Variants in LAMA1 observed in about 807,000 individuals in gnomAD.
LAMA1 encodes laminin subunit alpha-1.
In LAMA1, 219 loss-of-function variants were observed where a neutral mutation model predicts 348.7. The ratio of observed to expected loss-of-function variants is 0.63; its 90% confidence interval spans 0.56 to 0.70. LAMA1 has a LOEUF of 0.70. Among genes scored for constraint, LAMA1 ranks in the 30% least tolerant of loss-of-function variants. The pLI is 0.00. For missense variants in LAMA1, 3,744 were observed against 3,888.0 expected, an observed-to-expected ratio of 0.96 and a Z score of 0.99; for synonymous variants, 1,487 against 1,491.0, an observed-to-expected ratio of 1.00 and a Z score of 0.06.
chr18:7,045,726 T>G (rs2058039338), intron 6 of LAMA1, among the ~76,000 whole-genome samples: 2 of 152,088 alleles, frequency 1.3e-5, no homozygotes, highest in Admixed American at 6.5e-5. Context: ...GCCCCACTAA[T>G]TTTTGTATTT....
chr18:7,011,224 A>G, intron 25 of LAMA1, 76 bp downstream of exon 25: 1 of 1,499,986 alleles, frequency 6.7e-7, no homozygotes. Flanking sequence ...AGGCCGGCCC[A>G]GACTATGGTG....
intron 1 of LAMA1, among the ~76,000 whole-genome samples, chr18:7,108,001 G>A (rs1253868615): frequency 6.7e-6 from 1 of 148,732 alleles, no homozygotes. Context: ...GCGACAGAGC[G>A]AGACTCCGTC....
At chr18:6,946,985 G>C (rs2057524380) in intron 61 of LAMA1, among the ~76,000 whole-genome samples, 178 bp downstream of exon 61, 1 of 152,138 alleles carries the variant, frequency 6.6e-6, no homozygotes, top group South Asian at 2.1e-4. Context: ...TTTTTGAAAA[G>C]CTTTTAAAAA....
intron 3 of LAMA1, among the ~76,000 whole-genome samples, chr18:7,052,871 A>T (rs969933175): frequency 1.3e-5 from 2 of 151,394 alleles, no homozygotes; most frequent in Non-Finnish European, 2.9e-5. Context: ...CTACAAAAAA[A>T]TTATCCAGGT....
At chr18:6,998,291 T>C (rs2057792055) in intron 32 of LAMA1, among the ~76,000 whole-genome samples, 1 of 152,092 alleles carries the variant, frequency 6.6e-6, no homozygotes, top group African/African-American at 2.4e-5. Flanking sequence ...AAAAGAACTT[T>C]ATTGACTGTA....
rs754429828 is a variant in LAMA1 at position 6,966,221 on chromosome 18, C to T, written c.6976G>A (p.Val2326Met). 1.4e-5 allele frequency: 22 copies of T among 1,613,798 alleles called. No individual in the cohort carries two copies. The highest frequency in any genetic ancestry group is 6.7e-5 in the East Asian group (3 of 44,874). ...TTAAAAAGCATGATTATCTGGGTCA[C>T]GGTAGCCGGAAGTGACTTCTCCACG... ...SVVEKSLPAT[V>M]TQIIMLFNTF... The change falls in exon 49 of 63, where the codon GTG becomes ATG. Residue 2326 changes from valine to methionine, a missense_variant. Coordinates refer to ENST00000389658, the MANE Select transcript of LAMA1 (RefSeq NM_005559.4).
At chr18:7,092,839 T>C (rs2058244938) in intron 1 of LAMA1, among the ~76,000 whole-genome samples, 1 of 152,248 alleles carries the variant, frequency 6.6e-6, no homozygotes, top group Middle Eastern at 3.4e-3. Context: ...TACAGACTCG[T>C]GGTTTCCCTC....
At chr18:7,025,834 C>T (rs2057940151) in intron 17 of LAMA1, 145 bp downstream of exon 17, 6 of 1,213,138 alleles carry the variant, frequency 4.9e-6, no homozygotes, top group Non-Finnish European at 7.1e-6. Context: ...TAACCCACCC[C>T]TCTGTCTTTA....
At chr18:7,052,706 A>C (rs1183191933) in intron 3 of LAMA1, among the ~76,000 whole-genome samples, 2 of 151,806 alleles carry the variant, frequency 1.3e-5, no homozygotes, top group Admixed American at 1.3e-4. Flanking sequence ...CAGCCTGGGC[A>C]ACAAGAGAGA....
At chr18:7,117,630 C>T in intron 1 of LAMA1, 30 bp downstream of exon 1, 3 of 1,593,002 alleles carry the variant, frequency 1.9e-6, no homozygotes, top group Non-Finnish European at 2.5e-6. Context: ...CTGCGGGGGA[C>T]AGGGACCCTA....
intron 1 of LAMA1, among the ~76,000 whole-genome samples, chr18:7,082,210 A>G (rs531272739): frequency 1.3e-5 from 2 of 152,196 alleles, no homozygotes; most frequent in African/African-American, 2.4e-5. Flanking sequence ...CCCTCTCAAG[A>G]TAAAATAGTT....
chr18:7,046,073 T>C (rs1180814646), intron 6 of LAMA1, among the ~76,000 whole-genome samples: 1 of 152,120 alleles, frequency 6.6e-6, no homozygotes, highest in Non-Finnish European at 1.5e-5. Flanking sequence ...AAAAAAATCA[T>C]TGTAAGAACT....
At chr18:7,036,732 C>T (rs2057996608) in intron 12 of LAMA1, among the ~76,000 whole-genome samples, 1 of 151,792 alleles carries the variant, frequency 6.6e-6, no homozygotes, top group Non-Finnish European at 1.5e-5. Context: ...AAATAATTTT[C>T]AAAAATAAAT....
intron 57 of LAMA1, among the ~76,000 whole-genome samples, chr18:6,951,295 G>A (rs371951116): frequency 8.6e-4 from 131 of 152,166 alleles, no homozygotes; most frequent in Non-Finnish European, 1.4e-3. Flanking sequence ...AGCATTCAAC[G>A]CGGGTAACTC....
intron 48 of LAMA1, among the ~76,000 whole-genome samples, chr18:6,966,932 T>C (rs930274379): frequency 6.6e-5 from 10 of 152,194 alleles, no homozygotes; most frequent in Non-Finnish European, 1.5e-4. Flanking sequence ...AAGGCTGACT[T>C]GACTCACTAT....
intron 39 of LAMA1, 21 bp from the exon 40 acceptor site, chr18:6,983,255 G>C: frequency 6.2e-7 from 1 of 1,613,966 alleles, no homozygotes; most frequent in Non-Finnish European, 8.5e-7. Context: ...AGCATATTTA[G>C]ATACGTTATG....
chr18:6,943,721 T>C (rs2057510134), intron 61 of LAMA1, among the ~76,000 whole-genome samples: 1 of 150,986 alleles, frequency 6.6e-6, no homozygotes, highest in African/African-American at 2.4e-5. Flanking sequence ...CGCATGCCTG[T>C]AATCCCAGCA....
chr18:7,104,859 A>T (rs1195084978), intron 1 of LAMA1, among the ~76,000 whole-genome samples: 2 of 152,166 alleles, frequency 1.3e-5, no homozygotes. Flanking sequence ...AACCTGCTCT[A>T]CCCTGCAGAC....
chr18:6,948,392 C>G lies in LAMA1; in HGVS notation c.8710+11G>C. The stretch of plus-strand genomic sequence containing the variant: ...TCGGGGACTGCCTTCGAGAGTGTTG[C>G]TAACACATACCAAGAGCTGCATATC... On this transcript the variant is annotated intron_variant, in intron 60 of 62. Transcript: ENST00000389658. 6.2e-7 allele frequency: 1 copy of G among 1,614,178 alleles called. No homozygotes were observed. Among genetic ancestry groups the G allele is most frequent in the Non-Finnish European group, 8.5e-7 (1 of 1,180,036 alleles).
Sources: gnomAD v4.1 joint callset for allele counts (sites outside exome capture counted in the v4.1 genomes callset) on GRCh38, gnomAD v4.1.1 for gene constraint, MANE v1.5 for transcripts, NCBI Gene and HGNC (gene_info 2026-07-23, HGNC 2026-07-21) for gene names.